Variants in SNX24 observed in about 807,000 individuals in gnomAD.
The protein encoded by SNX24 is sorting nexin-24.
In SNX24, 22 loss-of-function variants were observed where a neutral mutation model predicts 28.7. The ratio of observed to expected loss-of-function variants is 0.77; its 90% CI spans 0.55 to 1.10. The LOEUF (loss-of-function observed/expected upper bound fraction) is 1.10, where lower values mean the gene tolerates loss of function less well. Among genes scored for constraint, SNX24 ranks in the 50% least tolerant of loss-of-function variants. SNX24 has a pLI of 0.00. For synonymous variants in SNX24, 69 were observed against 71.5 expected (o/e 0.96, Z 0.18); for missense variants, 221 against 201.1 (o/e 1.10, Z -0.60).
intron 1 of SNX24, among the ~76,000 whole-genome samples, chr5:122,875,943 G>A (rs752916832): frequency 2.9e-4 from 44 of 152,156 alleles, no homozygotes; most frequent in Non-Finnish European, 5.3e-4. Context: ...GCATGGTGGC[G>A]GGCGCCTATA....
intron 3 of SNX24, among the ~76,000 whole-genome samples, chr5:122,958,856 GGC>G (rs1322101122): frequency 1.3e-5 from 2 of 151,918 alleles, no homozygotes; most frequent in Non-Finnish European, 2.9e-5. Flanking sequence ...CACCCCACCT[GGC>G]CAATATAGTC....
chr5:123,009,341 T>G (rs1762515063), downstream of SNX24: 1 of 391,912 alleles, frequency 2.6e-6, no homozygotes, highest in Admixed American at 6.4e-5. Flanking sequence ...TATGATAAGA[T>G]AAATTATTAT....
intron 5 of SNX24, chr5:123,029,117 T>C: frequency 1.8e-6 from 2 of 1,085,442 alleles, no homozygotes; most frequent in Non-Finnish European, 2.6e-6. Context: ...GATGATGATT[T>C]TCTCCCAATT....
At chr5:123,022,857 T>G (rs1762782784) in intron 5 of SNX24, 1 of 152,438 alleles carries the variant, frequency 6.6e-6, no homozygotes, top group Admixed American at 6.5e-5. Flanking sequence ...CTCACTCTGT[T>G]GCCTGGGGCA....
intron 1 of SNX24, among the ~76,000 whole-genome samples, chr5:122,919,786 C>A (rs139821001): frequency 9.2e-5 from 14 of 152,298 alleles, no homozygotes; most frequent in African/African-American, 3.4e-4. Context: ...GATACACTAG[C>A]TCCCCTCCCA....
chr5:122,853,783 T>C lies in SNX24; in HGVS notation c.60+8090T>C, dbSNP rs568669526. The C allele has an allele frequency of 6.9e-5, 20 of 289,016 alleles. No homozygotes were observed. In the Admixed American group the frequency reaches 7.0e-4, roughly 10 times the overall value. 17.9% of individuals were successfully genotyped at this position (289,016 alleles called of 1,614,324 possible). ...CATTACAGCCGTAAGCCACTGTGCC[T>C]GCCTTAAGAACTTGAAAATAAACCA... is the stretch of plus-strand genomic sequence containing the variant. On this transcript the variant is annotated intron_variant, in intron 1 of 6. Transcript: ENST00000261369.
intron 1 of SNX24, among the ~76,000 whole-genome samples, chr5:122,918,676 T>C (rs777913574): frequency 2.0e-5 from 3 of 152,156 alleles, no homozygotes; most frequent in Non-Finnish European, 4.4e-5. Flanking sequence ...TCAAAGAGTA[T>C]GTGGTGATGA....
At chr5:122,884,365 C>T (rs943138274) in intron 1 of SNX24, among the ~76,000 whole-genome samples, 1 of 144,794 alleles carries the variant, frequency 6.9e-6, no homozygotes, top group Non-Finnish European at 1.5e-5. Context: ...GATTCTCTTG[C>T]CTCAGACTCC....
intron 3 of SNX24, among the ~76,000 whole-genome samples, chr5:122,962,178 A>G (rs1307236822): frequency 6.6e-6 from 1 of 152,184 alleles, no homozygotes; most frequent in Admixed American, 6.5e-5. Context: ...AGTGATTTAC[A>G]TGCTTTCCAT....
At chr5:122,925,225 T>C (rs1758637342) in intron 1 of SNX24, among the ~76,000 whole-genome samples, 1 of 75,376 alleles carries the variant, frequency 1.3e-5, no homozygotes, top group Admixed American at 1.6e-4. Context: ...CCCTCCCCCT[T>C]CCCTCCCTCT....
intron 1 of SNX24, among the ~76,000 whole-genome samples, chr5:122,934,994 G>T (rs1355563082): frequency 6.6e-6 from 1 of 151,960 alleles, no homozygotes; most frequent in South Asian, 2.1e-4. Flanking sequence ...TGGCCTTCAA[G>T]GGGGGGCACT....
At chr5:122,921,207 A>G (rs765161082) in intron 1 of SNX24, among the ~76,000 whole-genome samples, 5 of 151,886 alleles carry the variant, frequency 3.3e-5, no homozygotes, top group Admixed American at 6.6e-5. Context: ...CTGTGTTTCA[A>G]TTGGATGTAC....
intron 1 of SNX24, among the ~76,000 whole-genome samples, chr5:122,925,475 G>T (rs1230753142): frequency 6.6e-6 from 1 of 151,642 alleles, no homozygotes; most frequent in African/African-American, 2.4e-5. Flanking sequence ...ATATTGCCCA[G>T]CTGGTCTTGA....
chr5:122,970,975 G>T (rs1279192076), intron 3 of SNX24, among the ~76,000 whole-genome samples: 2 of 152,302 alleles, frequency 1.3e-5, no homozygotes, highest in East Asian at 3.9e-4. Flanking sequence ...TGTATGAAGA[G>T]CAGTTTATTA....
chr5:122,894,141 T>G (rs188782998), intron 1 of SNX24, among the ~76,000 whole-genome samples: 1 of 152,324 alleles, frequency 6.6e-6, no homozygotes, highest in Admixed American at 6.5e-5. Context: ...ACCTCTTGAT[T>G]TAAATGTAAA....
At chr5:122,980,562 T>C (rs1761348946) in intron 3 of SNX24, among the ~76,000 whole-genome samples, 1 of 151,920 alleles carries the variant, frequency 6.6e-6, no homozygotes, top group African/African-American at 2.4e-5. Context: ...TCTCTTCTTC[T>C]AGTAGTAGAA....
intron 5 of SNX24, among the ~76,000 whole-genome samples, chr5:123,027,502 C>T (rs765874036): frequency 3.9e-5 from 6 of 152,152 alleles, no homozygotes; most frequent in Non-Finnish European, 5.9e-5. Flanking sequence ...CGGGCACCAG[C>T]GCTGCAGGGT....
intron 5 of SNX24, among the ~76,000 whole-genome samples, chr5:123,019,242 A>G (rs1418847153): frequency 6.6e-6 from 1 of 152,100 alleles, no homozygotes; most frequent in Non-Finnish European, 1.5e-5. Flanking sequence ...ACTTAATGGC[A>G]CCAAAATTTT....
At chr5:122,943,403 T>G (rs932992376) in intron 2 of SNX24, among the ~76,000 whole-genome samples, 1 of 152,182 alleles carries the variant, frequency 6.6e-6, no homozygotes, top group Non-Finnish European at 1.5e-5. Context: ...CGTTACTGAC[T>G]TCCCATCATC....
Sources: allele counts gnomAD v4.1 joint callset (sites outside exome capture counted in the v4.1 genomes callset), GRCh38; gene constraint gnomAD v4.1.1; transcripts MANE v1.5; gene names NCBI Gene and HGNC (gene_info 2026-07-23, HGNC 2026-07-21).